The following ARMH4 variants were observed in gnomAD, a reference collection of about 807,000 sequenced individuals.
ARMH4 encodes armadillo-like helical domain-containing protein 4.
In ARMH4, 49 loss-of-function variants were observed where a neutral mutation model predicts 61.9. The observed-to-expected ratio is 0.79, with a 90% CI of 0.63 to 1.00. The LOEUF is 1.00. Among genes scored for constraint, ARMH4 ranks in the 50% least tolerant of loss-of-function variants. The probability of loss-of-function intolerance (pLI) is 0.00; values close to 1 mark genes in which losing one functional copy is unlikely to be tolerated. For synonymous variants in ARMH4, 368 were observed against 341.5 expected (o/e 1.08, Z -0.85); for missense variants, 934 against 930.0 (o/e 1.00, Z -0.06).
chr14:58,010,738 T>C (rs1224678923), intron 6 of ARMH4, among the ~76,000 whole-genome samples: 1 of 152,080 alleles, frequency 6.6e-6, no homozygotes, highest in East Asian at 1.9e-4. Context: ...CTGTACAGAT[T>C]TTTTTAGGGA....
At chr14:58,021,524 T>C (rs1272904153) in intron 5 of ARMH4, among the ~76,000 whole-genome samples, 3 of 152,190 alleles carry the variant, frequency 2.0e-5, no homozygotes, top group African/African-American at 4.8e-5. Flanking sequence ...AGTATAAAAA[T>C]GGACTAATAC....
At chr14:58,081,603 C>G (rs964359115) in intron 5 of ARMH4, among the ~76,000 whole-genome samples, 88 of 151,854 alleles carry the variant, frequency 5.8e-4, no homozygotes, top group Admixed American at 1.5e-3. Flanking sequence ...CAGGTTCACA[C>G]CATTCTCCTG....
chr14:58,133,269 T>C lies in ARMH4; in HGVS notation c.1442A>G (p.Gln481Arg), dbSNP rs1334211233. The C allele has an allele frequency of 1.2e-5, 19 of 1,614,140 alleles. No homozygotes were observed. Among genetic ancestry groups the C allele is most frequent in the Non-Finnish European group, 1.6e-5 (19 of 1,180,042 alleles). Reference protein sequence around the residue: ...DATLSMVTQEQVATLELIRDS... With the variant: ...DATLSMVTQERVATLELIRDS... ...TCTGATAAGCTCGAGGGTAGCAACC[T>C]GCTCTTGTGTCACCATGGATAAAGT... Residue 481 changes from glutamine to arginine, a missense_variant, in exon 3 of 8, where the codon CAG (glutamine) becomes CGG (arginine). Coordinates refer to ENST00000267485, the MANE Select transcript of ARMH4 (RefSeq NM_001001872.4).
chr14:58,014,515 A>G (rs1170024219), intron 5 of ARMH4, among the ~76,000 whole-genome samples: 2 of 152,184 alleles, frequency 1.3e-5, no homozygotes, highest in African/African-American at 4.8e-5. Flanking sequence ...AGAAATAACA[A>G]ATGCAAAGTG....
chr14:58,107,763 CAA>C (rs34507217), intron 4 of ARMH4, among the ~76,000 whole-genome samples: 21,722 of 97,274 alleles, frequency 0.22, 1,598 homozygotes, highest in East Asian at 0.32. Flanking sequence ...GACTCCATCT[CAA>C]AAAAAAAAAA....
intron 5 of ARMH4, among the ~76,000 whole-genome samples, chr14:58,071,597 C>T (rs1233611582): frequency 6.6e-6 from 1 of 151,958 alleles, no homozygotes; most frequent in Non-Finnish European, 1.5e-5. Flanking sequence ...AACTCAAACA[C>T]CCCAGTGAGG....
chr14:58,077,031 C>CCCAGTGGGGGTGG (rs1180766957), intron 5 of ARMH4, among the ~76,000 whole-genome samples: 1 of 152,162 alleles, frequency 6.6e-6, no homozygotes, highest in Non-Finnish European at 1.5e-5. Flanking sequence ...TTCTGAACAC[C>CCCAGTGGGGGTGG]CCAGTGGGCC....
chr14:58,076,620 T>TA (rs1885057708), intron 5 of ARMH4, among the ~76,000 whole-genome samples: 2 of 152,206 alleles, frequency 1.3e-5, no homozygotes, highest in African/African-American at 4.8e-5. Flanking sequence ...CTGAATTTTA[T>TA]TATATGTAAA....
At chr14:58,021,398 C>T (rs1882824306) in intron 5 of ARMH4, among the ~76,000 whole-genome samples, 1 of 152,190 alleles carries the variant, frequency 6.6e-6, no homozygotes, top group Non-Finnish European at 1.5e-5. Flanking sequence ...GTAGGATGTG[C>T]CTTTGGCTCC....
At chr14:58,137,538 A>G (rs1887346414) in intron 2 of ARMH4, among the ~76,000 whole-genome samples, 1 of 152,130 alleles carries the variant, frequency 6.6e-6, no homozygotes, top group Non-Finnish European at 1.5e-5. Flanking sequence ...AGCTGGGATT[A>G]CAGGCACCTG....
intron 5 of ARMH4, among the ~76,000 whole-genome samples, chr14:58,082,317 C>T (rs1234426566): frequency 6.6e-6 from 1 of 152,216 alleles, no homozygotes; most frequent in Non-Finnish European, 1.5e-5. Flanking sequence ...GGCTCACCTG[C>T]TCCTCTCTTA....
chr14:58,012,149 C>A lies in ARMH4; in HGVS notation c.2091G>T (p.Val697=). The change falls in exon 6 of 8, where the codon GTG becomes GTT. Residue 697 remains valine (V), a splice_region_variant and synonymous_variant. Transcript: ENST00000267485. ...LEWEQQNQGL[V]RSWMEKLKDK... The stretch of plus-strand genomic sequence containing the variant: ...CTTTTAATTTTTCCATCCAGCTTCT[C>A]ACTAGGAAAAAAATAAGATAATAAA... 3 of 1,400,778 alleles carry A rather than the reference C, an allele frequency of 2.1e-6. No homozygotes were observed. Among genetic ancestry groups the A allele is most frequent in the East Asian group, 2.5e-5 (1 of 39,990 alleles). The allele number at this position is 1,400,778 out of a possible 1,614,324, so 86.8% of individuals were successfully genotyped here.
intron 4 of ARMH4, 151 bp from the exon 5 acceptor site, chr14:58,097,132 G>A: frequency 2.3e-6 from 2 of 872,420 alleles, no homozygotes; most frequent in South Asian, 3.1e-5. Context: ...TGTGAACTTT[G>A]CAGGATTATA....
intron 5 of ARMH4, among the ~76,000 whole-genome samples, chr14:58,049,107 C>T (rs549323370): frequency 3.5e-4 from 53 of 151,774 alleles, no homozygotes; most frequent in East Asian, 1.8e-3. Flanking sequence ...GGCGTGGTGG[C>T]GGGCACCTGT....
rs983463801 is a variant in ARMH4 at position 58,120,000 on chromosome 14, T to C, written c.1831+11512A>G. Among the ~76,000 whole-genome samples the C allele has an allele frequency of 1.3e-4, 19 of 150,270 alleles. No homozygotes were observed. In the East Asian group the frequency reaches 2.0e-3, roughly 15 times the overall value. Reference sequence around the variant, plus strand: ...AGTTGTACATCACTTAACAATCGGATACATTCTGAGAAATGTGTCATTAGG... The same window carrying C: ...AGTTGTACATCACTTAACAATCGGACACATTCTGAGAAATGTGTCATTAGG... On this transcript the variant is annotated intron_variant, in intron 4 of 7. Transcript: ENST00000267485.
Position 58,003,565 on chromosome 14 carries a change from T to A in ARMH4, c.*1171A>T, listed in dbSNP as rs529770711. 2 of 152,318 alleles carry A rather than the reference T, an allele frequency of 1.3e-5. No individual in the cohort carries two copies. The highest frequency in any genetic ancestry group is 1.9e-4 in the East Asian group (1 of 5,194). The allele number at this position is 152,318 out of a possible 1,614,324, so 9.4% of individuals were successfully genotyped here. Reference sequence around the variant, plus strand: ...CAACTACAAATCCTCAATCCCTAGATTCAAATAGCGCATTGGAATATCCTA... The same window carrying A: ...CAACTACAAATCCTCAATCCCTAGAATCAAATAGCGCATTGGAATATCCTA... On this transcript the variant is annotated 3_prime_UTR_variant, in exon 8 of 8. Coordinates refer to ENST00000267485, the MANE Select transcript of ARMH4 (RefSeq NM_001001872.4).
At chr14:58,005,263 A>T in intron 6 of ARMH4, 81 bp from the exon 7 acceptor site, 2 of 1,567,932 alleles carry the variant, frequency 1.3e-6, no homozygotes, top group South Asian at 2.3e-5. Flanking sequence ...GGATGGCAGC[A>T]GGTTTTTAGA....
intron 5 of ARMH4, among the ~76,000 whole-genome samples, chr14:58,032,823 T>C (rs888233908): frequency 3.5e-4 from 54 of 152,248 alleles, no homozygotes; most frequent in East Asian, 3.9e-4. Context: ...CACTCCCACC[T>C]GAATATTGCG....
intron 5 of ARMH4, among the ~76,000 whole-genome samples, chr14:58,032,856 C>T (rs914737490): frequency 1.3e-5 from 2 of 152,128 alleles, no homozygotes; most frequent in African/African-American, 4.8e-5. Flanking sequence ...GCTTAACAAA[C>T]GGCGCACCAC....
Sources: gnomAD v4.1 joint callset for allele counts (sites outside exome capture counted in the v4.1 genomes callset) on GRCh38, gnomAD v4.1.1 for gene constraint, MANE v1.5 for transcripts, NCBI Gene and HGNC (gene_info 2026-07-23, HGNC 2026-07-21) for gene names.